Variants in CHLSN observed in about 807,000 individuals in gnomAD.
CHLSN encodes cholesin, also known as protein cholesin.
the CHLSN span, chr7:1,058,262 C>T: frequency 1.4e-5 from 11 of 771,712 alleles, no homozygotes; most frequent in South Asian, 1.3e-4. Flanking sequence ...GGACGCCACA[C>T]TATCTGATCC....
the CHLSN span, among the ~76,000 whole-genome samples, chr7:1,001,871 G>GA: frequency 3.7e-5 from 4 of 109,538 alleles, no homozygotes; most frequent in Admixed American, 8.3e-5. Flanking sequence ...TCCTGTGGGT[G>GA]GGGAGTCCTG....
At chr7:1,108,816 CGGCTGCT>C in the CHLSN span, among the ~76,000 whole-genome samples, 5,054 of 151,896 alleles carry the variant, frequency 0.033, 269 homozygotes, top group African/African-American at 0.11. Context: ...CTCACTGGAG[CGGCTGCT>C]GGGTCTCTTC....
chr7:1,027,296 C>CG, the CHLSN span, among the ~76,000 whole-genome samples: 4 of 152,258 alleles, frequency 2.6e-5, no homozygotes, highest in Non-Finnish European at 4.4e-5. Flanking sequence ...TCTGAAGCAA[C>CG]GGTCACCATT....
the CHLSN span, among the ~76,000 whole-genome samples, chr7:1,120,927 C>T: frequency 6.6e-6 from 1 of 152,036 alleles, no homozygotes; most frequent in African/African-American, 2.4e-5. Flanking sequence ...GCCATGAAAA[C>T]GGATCAAAAA....
At chr7:1,095,680 C>T in the CHLSN span, among the ~76,000 whole-genome samples, 5 of 152,248 alleles carry the variant, frequency 3.3e-5, no homozygotes, top group African/African-American at 4.8e-5. Context: ...GGGGTAAGCG[C>T]TGTCCCCACC....
the CHLSN span, chr7:985,250 G>A: frequency 1.3e-5 from 20 of 1,551,802 alleles, no homozygotes; most frequent in South Asian, 3.6e-5. Context: ...TTTGACTACC[G>A]GGACCCCGTG....
chr7:981,307 A>AAAAAAG, the CHLSN span, among the ~76,000 whole-genome samples: 1 of 151,552 alleles, frequency 6.6e-6, no homozygotes, highest in African/African-American at 2.4e-5. Context: ...AAAAAAAAAA[A>AAAAAAG]AAAAGAAAAG....
At chr7:1,135,360 T>A in the CHLSN span, among the ~76,000 whole-genome samples, 1 of 152,232 alleles carries the variant, frequency 6.6e-6, no homozygotes, top group South Asian at 2.1e-4. Context: ...TATAGTTATA[T>A]ATATATACAT....
chr7:984,564 G>A, the CHLSN span: 4 of 1,561,754 alleles, frequency 2.6e-6, no homozygotes, highest in Non-Finnish European at 2.6e-6. Flanking sequence ...AGCTCATCCA[G>A]CGAGGTGGAG....
chr7:986,866 C>G, the CHLSN span: 1 of 1,429,270 alleles, frequency 7.0e-7, no homozygotes, highest in Non-Finnish European at 9.2e-7. Context: ...GGGAGCACGG[C>G]TGGGGAGGGG....
the CHLSN span, among the ~76,000 whole-genome samples, chr7:1,040,258 A>T: frequency 6.6e-6 from 1 of 151,388 alleles, no homozygotes; most frequent in East Asian, 1.9e-4. Flanking sequence ...TGGGAGGCTG[A>T]GGTGGGAGGA....
At chr7:1,132,919 C>T in the CHLSN span, among the ~76,000 whole-genome samples, 9 of 152,076 alleles carry the variant, frequency 5.9e-5, no homozygotes, top group South Asian at 2.1e-4. Context: ...AGCTCAGCAT[C>T]GGGTCATTTA....
chr7:1,022,485 T>A, the CHLSN span, among the ~76,000 whole-genome samples: 2 of 152,366 alleles, frequency 1.3e-5, no homozygotes, highest in East Asian at 1.9e-4. Context: ...AAGAGTTTTT[T>A]AAATTAAGCC....
the CHLSN span, chr7:988,830 C>G: frequency 6.6e-7 from 1 of 1,514,336 alleles, no homozygotes; most frequent in Non-Finnish European, 8.9e-7. Context: ...TAGGAGCTCC[C>G]CCAGCCCCCA....
At chr7:1,092,463 C>G in the CHLSN span, 5 of 1,608,114 alleles carry the variant, frequency 3.1e-6, no homozygotes, top group Admixed American at 8.3e-5. Flanking sequence ...TCAGGGCGCA[C>G]CGGCACCGTG....
At chr7:1,112,822 G>A in the CHLSN span, among the ~76,000 whole-genome samples, 8 of 152,182 alleles carry the variant, frequency 5.3e-5, no homozygotes, top group South Asian at 6.2e-4. Context: ...CTGGAGAAGC[G>A]CAGCGGCTTC....
At chr7:1,054,512 C>T in the CHLSN span, among the ~76,000 whole-genome samples, 5 of 152,226 alleles carry the variant, frequency 3.3e-5, no homozygotes, top group Non-Finnish European at 7.3e-5. Flanking sequence ...GTGGGACGCA[C>T]GTGAGCGCAG....
chr7:1,102,157 A>G, the CHLSN span, among the ~76,000 whole-genome samples: 1 of 152,260 alleles, frequency 6.6e-6, no homozygotes, highest in South Asian at 2.1e-4. Context: ...GCCAGCCAGA[A>G]AAGAAAAACA....
chr7:1,113,301 G>A, the CHLSN span, among the ~76,000 whole-genome samples: 1 of 152,078 alleles, frequency 6.6e-6, no homozygotes, highest in East Asian at 1.9e-4. Context: ...TGATGGCACT[G>A]GCTTGCTGAG....
Sources: allele counts gnomAD v4.1 joint callset (sites outside exome capture counted in the v4.1 genomes callset), GRCh38; gene constraint gnomAD v4.1.1; transcripts MANE v1.5; gene names NCBI Gene and HGNC (gene_info 2026-07-23, HGNC 2026-07-21).